Variants in SLC22A3 observed in about 807,000 individuals in gnomAD.
The protein encoded by SLC22A3 is EMT organic cation transporter 3.
Under a neutral mutation model 59.1 loss-of-function variants are expected in SLC22A3, and 51 were observed. The observed-to-expected ratio is 0.86, with a 90% CI of 0.69 to 1.09. The LOEUF (loss-of-function observed/expected upper bound fraction) is 1.09. Among genes scored for constraint, SLC22A3 ranks in the 50% least tolerant of loss-of-function variants. The pLI is 0.00. For synonymous variants in SLC22A3, 325 were observed against 292.0 expected (o/e 1.11, Z -1.15); for missense variants, 711 against 726.3 (o/e 0.98, Z 0.24).
In SLC22A3 at chr6:160,407,135, ATCT is replaced by A; in HGVS notation, c.631_633del (p.Phe211del). On this transcript the variant is annotated inframe_deletion, in exon 3 of 11. Transcript: ENST00000275300. ...TGCACCAAACTTCCCTGTGTTTGTGATCTTCCGCTTCCTGCAAGGTGTATTTGG... is the reference window on the plus strand; with the variant it reads ...TGCACCAAACTTCCCTGTGTTTGTGATCCGCTTCCTGCAAGGTGTATTTGG... 3.1e-6 allele frequency: 5 copies of A among 1,612,380 alleles called. No individual in the cohort carries two copies. Among genetic ancestry groups the A allele is most frequent in the Non-Finnish European group, 4.2e-6 (5 of 1,179,136 alleles).
At chr6:160,391,013 GC>G (rs1786234080) in intron 1 of SLC22A3, among the ~76,000 whole-genome samples, 1 of 152,084 alleles carries the variant, frequency 6.6e-6, no homozygotes, top group Non-Finnish European at 1.5e-5. Flanking sequence ...GCTTCATATG[GC>G]CTTTTTTCTG....
intron 1 of SLC22A3, among the ~76,000 whole-genome samples, chr6:160,386,013 T>A (rs1338550620): frequency 6.6e-6 from 1 of 152,216 alleles, no homozygotes; most frequent in Non-Finnish European, 1.5e-5. Flanking sequence ...TAGCAGTGTC[T>A]CTCAACTGTT....
In SLC22A3 at chr6:160,451,740, C is replaced by A. The variant is rs997829889; in HGVS notation, c.*684C>A. On this transcript the variant is annotated 3_prime_UTR_variant, in exon 11 of 11. Transcript: ENST00000275300. ...AATAAGAACCAATCTGCTGTACAAT[C>A]TGAGGACTTGGCTCTGTTATTTACA... 7.9e-5 allele frequency: 12 copies of A among 152,272 alleles called. No individual in the cohort carries two copies. Among genetic ancestry groups the A allele is most frequent in the African/African-American group, 2.9e-4 (12 of 41,446 alleles). 9.4% of individuals were successfully genotyped at this position (152,272 alleles called of 1,614,324 possible). A position where few individuals can be genotyped will look rare whatever the true frequency, so the allele number is the denominator to read the frequency against.
At chr6:160,406,569 AAG>A (rs1650976234) in intron 2 of SLC22A3, among the ~76,000 whole-genome samples, 1 of 152,208 alleles carries the variant, frequency 6.6e-6, no homozygotes, top group African/African-American at 2.4e-5. Context: ...CCTCTAGAAA[AAG>A]GTGGGAATAA....
At chr6:160,426,089 C>T (rs1787941221) in intron 5 of SLC22A3, 2 of 985,424 alleles carry the variant, frequency 2.0e-6, no homozygotes, top group East Asian at 1.1e-4. Context: ...AAGCAACCCG[C>T]AAACTCCAAA....
At chr6:160,365,138 A>C (rs550161468) in intron 1 of SLC22A3, among the ~76,000 whole-genome samples, 35 of 152,266 alleles carry the variant, frequency 2.3e-4, no homozygotes, top group Non-Finnish European at 4.4e-4. Flanking sequence ...TATTTTGACT[A>C]CTGAAAATTT....
rs2114922463 is a variant in SLC22A3, at chr6:160,348,451, T to C, written c.32T>C (p.Val11Ala). ...TCCTTCGACGAGGCGCTGCAGCGGG[T>C]GGGCGAGTTCGGGCGCTTCCAGAGG... is the stretch of plus-strand genomic sequence containing the variant. Reference protein sequence around the residue: MPSFDEALQRVGEFGRFQRRV... With the variant: MPSFDEALQRAGEFGRFQRRV... Residue 11 changes from valine to alanine, a missense_variant, in exon 1 of 11, where the codon GTG becomes GCG. Coordinates refer to ENST00000275300, the MANE Select transcript of SLC22A3 (RefSeq NM_021977.4). The C allele has an allele frequency of 6.5e-7, 1 of 1,528,530 alleles. No homozygotes were observed. Among genetic ancestry groups the C allele is most frequent in the Non-Finnish European group, 8.8e-7 (1 of 1,141,516 alleles). 94.7% of individuals were successfully genotyped at this position (1,528,530 alleles called of 1,614,324 possible).
intron 1 of SLC22A3, among the ~76,000 whole-genome samples, chr6:160,394,977 C>T (rs1241434305): frequency 1.3e-5 from 2 of 152,192 alleles, no homozygotes; most frequent in East Asian, 3.9e-4. Flanking sequence ...TAGCTCCCTA[C>T]TGGTACAACC....
intron 5 of SLC22A3, among the ~76,000 whole-genome samples, chr6:160,434,945 A>G (rs1788283415): frequency 6.6e-6 from 1 of 152,184 alleles, no homozygotes; most frequent in South Asian, 2.1e-4. Context: ...CTACTCCATG[A>G]GTTCCATTTA....
intron 1 of SLC22A3, among the ~76,000 whole-genome samples, chr6:160,374,372 G>A (rs1296737814): frequency 1.3e-5 from 2 of 152,178 alleles, no homozygotes; most frequent in Non-Finnish European, 2.9e-5. Context: ...ATGAGCTGGT[G>A]CCTCAGTTGG....
chr6:160,442,587 T>C (rs1788587645), intron 7 of SLC22A3, among the ~76,000 whole-genome samples, 174 bp from the exon 8 acceptor site: 1 of 152,244 alleles, frequency 6.6e-6, no homozygotes, highest in African/African-American at 2.4e-5. Context: ...AGCTATCATC[T>C]AGTTTCATTG....
chr6:160,433,600 C>T (rs1788233387), intron 5 of SLC22A3, among the ~76,000 whole-genome samples: 1 of 152,062 alleles, frequency 6.6e-6, no homozygotes, highest in Admixed American at 6.6e-5. Flanking sequence ...ACCAGCTACT[C>T]AGGAGGCTGA....
Position 160,390,204 on chromosome 6 carries a change from A to T in SLC22A3, c.430-7775A>T, listed in dbSNP as rs1263438412. On this transcript the variant is annotated intron_variant, in intron 1 of 10. Transcript: ENST00000275300. Reference sequence around the variant, plus strand: ...ACTCCTTAGCCTGAGTGGCCTAAAAATCGGAGCCTGGGGCAAAAGCTTATA... The same window carrying T: ...ACTCCTTAGCCTGAGTGGCCTAAAATTCGGAGCCTGGGGCAAAAGCTTATA... Among the ~76,000 whole-genome samples the T allele has an allele frequency of 2.0e-5, 3 of 152,134 alleles. No homozygotes were observed. In the South Asian group the frequency reaches 6.2e-4, roughly 32 times the overall value.
intron 5 of SLC22A3, among the ~76,000 whole-genome samples, chr6:160,435,065 T>C (rs1050910199): frequency 2.0e-5 from 3 of 152,148 alleles, no homozygotes; most frequent in Non-Finnish European, 4.4e-5. Context: ...CTTATACACA[T>C]GACCCCTACA....
At chr6:160,357,032 A>G (rs984225100) in intron 1 of SLC22A3, among the ~76,000 whole-genome samples, 5 of 152,218 alleles carry the variant, frequency 3.3e-5, no homozygotes, top group African/African-American at 1.2e-4. Flanking sequence ...GCAGGCATCC[A>G]TCCCACCTTC....
At chr6:160,385,547 C>G (rs764272183) in intron 1 of SLC22A3, among the ~76,000 whole-genome samples, 2 of 152,170 alleles carry the variant, frequency 1.3e-5, no homozygotes, top group Non-Finnish European at 2.9e-5. Context: ...CTGTCTGCCC[C>G]GTGGCCTCCA....
At chr6:160,372,539 C>T (rs1204081510) in intron 1 of SLC22A3, among the ~76,000 whole-genome samples, 3 of 152,262 alleles carry the variant, frequency 2.0e-5, no homozygotes, top group Admixed American at 1.3e-4. Flanking sequence ...TGAATGTTGG[C>T]CTGTTGTCCT....
Position 160,395,830 on chromosome 6 carries a change from A to G in SLC22A3, c.430-2149A>G, listed in dbSNP as rs563929761. Reference sequence around the variant, plus strand: ...GGTCATTAGCTGTAAAACCAAGGCAAGAAGTTGGACTTTATAAGTAAATAC... The same window carrying G: ...GGTCATTAGCTGTAAAACCAAGGCAGGAAGTTGGACTTTATAAGTAAATAC... On this transcript the variant is annotated intron_variant, in intron 1 of 10. Coordinates refer to ENST00000275300, the MANE Select transcript of SLC22A3 (RefSeq NM_021977.4). 4.6e-5 allele frequency among the ~76,000 whole-genome samples: 7 copies of G among 152,376 alleles called. No homozygotes were observed. In the South Asian group the frequency reaches 1.4e-3, roughly 32 times the overall value.
chr6:160,349,480 GTTTTT>G (rs34841782), intron 1 of SLC22A3, among the ~76,000 whole-genome samples: 1 of 151,390 alleles, frequency 6.6e-6, no homozygotes, highest in Non-Finnish European at 1.5e-5. Context: ...ATAAATTTTA[GTTTTT>G]TTTTCTGGTA....
Sources: gnomAD v4.1 joint callset for allele counts (sites outside exome capture counted in the v4.1 genomes callset) on GRCh38, gnomAD v4.1.1 for gene constraint, MANE v1.5 for transcripts, NCBI Gene and HGNC (gene_info 2026-07-23, HGNC 2026-07-21) for gene names.